PEF1: variants seen among roughly 807,000 people sequenced by gnomAD.
PEF1 encodes the protein penta-EF-hand domain containing 1.
Under a neutral mutation model 32.0 loss-of-function variants are expected in PEF1, and 17 were observed. The ratio of observed to expected loss-of-function variants is 0.53; its 90% CI spans 0.36 to 0.80. The LOEUF is 0.80. PEF1 is among the 30% of genes least tolerant of loss of function. The pLI, the probability that PEF1 is intolerant of heterozygous loss-of-function variation, is 0.00. For missense variants in PEF1, 362 were observed against 369.1 expected (o/e 0.98, Z 0.16); for synonymous variants, 130 against 139.8 (o/e 0.93, Z 0.50).
Position 31,635,441 on chromosome 1 carries a change from A to G in PEF1, c.106T>C (p.Tyr36His). The G allele has an allele frequency of 1.9e-6, 3 of 1,605,788 alleles. No homozygotes were observed. The highest frequency in any genetic ancestry group is 2.6e-6 in the Non-Finnish European group (3 of 1,175,106). Residue 36 changes from tyrosine to histidine, a missense_variant, in exon 2 of 5, where the codon TAT becomes CAT. Tyr to His is a moderately conservative substitution (Grantham distance 83). Transcript: ENST00000373703. ...YPGPPNSGGQ[Y>H]GSGLPPGGGY... The stretch of plus-strand genomic sequence containing the variant: ...CCACCAGGGGGTAGCCCACTACCAT[A>G]CTGCCCTCCACTATTGGGGGGTCCA...
intron 1 of PEF1, among the ~76,000 whole-genome samples, chr1:31,641,070 T>G (rs1305087617): frequency 6.6e-6 from 1 of 152,148 alleles, no homozygotes; most frequent in Non-Finnish European, 1.5e-5. Context: ...ATCCCCAGAC[T>G]TCAATTACCT....
chr1:31,633,174 A>C lies in PEF1; in HGVS notation c.466T>G (p.Cys156Gly). The change falls in exon 3 of 5, where the codon TGC becomes GGC. Residue 156 changes from cysteine to glycine, a missense_variant. Transcript: ENST00000373703. ...CNWSSFNDET[C>G]LMMINMFDKT... Reference sequence around the variant, plus strand: ...GGAGACTCACTTATCATCATGAGGCAGGTCTCATCATTGAATGAAGACCAA... The same window carrying C: ...GGAGACTCACTTATCATCATGAGGCCGGTCTCATCATTGAATGAAGACCAA... The C allele has an allele frequency of 6.2e-7, 1 of 1,613,844 alleles. No homozygotes were observed. Among genetic ancestry groups the C allele is most frequent in the South Asian group, 1.1e-5 (1 of 91,006 alleles).
chr1:31,633,402 C>G, intron 2 of PEF1, 88 bp from the exon 3 acceptor site: 1 of 1,362,260 alleles, frequency 7.3e-7, no homozygotes, highest in Non-Finnish European at 9.9e-7. Context: ...CTCCTACACA[C>G]GAAGCTTCAC....
At chr1:31,639,278 A>G (rs1051661898) in intron 1 of PEF1, among the ~76,000 whole-genome samples, 5 of 151,948 alleles carry the variant, frequency 3.3e-5, no homozygotes, top group African/African-American at 1.2e-4. Context: ...CCCTCTATAC[A>G]CTCGTTGACC....
rs765758652 is a variant in PEF1, at chr1:31,630,750, G to A, written c.718C>T (p.Leu240Phe). Residue 240 changes from leucine to phenylalanine, a missense_variant, in exon 5 of 5, where the codon CTT (leucine) becomes TTT (phenylalanine). Leu to Phe is a conservative substitution (Grantham distance 22). Transcript: ENST00000373703. ...CPRSANPAMQ[L>F]DRFIQVCTQL... ...GTGCACACCTGGATGAAGCGGTCAAGCTGCATGGCAGGATTGGCAGAGCGT... is the reference window on the plus strand; with the variant it reads ...GTGCACACCTGGATGAAGCGGTCAAACTGCATGGCAGGATTGGCAGAGCGT... 2.5e-6 allele frequency: 4 copies of A among 1,614,030 alleles called. No homozygotes were observed. In the South Asian group the frequency reaches 3.3e-5, roughly 13 times the overall value.
Position 31,635,405 on chromosome 1 carries a change from C to A in PEF1, c.142G>T (p.Gly48Cys), listed in dbSNP as rs1181970670. ...SGLPPGGGYG[G>C]PAPGGPYGPP... ...CCATAAGGCCCTCCAGGGGCAGGAC[C>A]CCCATAACCACCACCAGGGGGTAGC... Residue 48 changes from glycine to cysteine, a missense_variant, in exon 2 of 5, where the codon GGT becomes TGT. Transcript: ENST00000373703. The A allele has an allele frequency of 1.2e-6, 2 of 1,613,072 alleles. No individual in the cohort carries two copies. Among genetic ancestry groups the A allele is most frequent in the Admixed American group, 1.7e-5 (1 of 59,916 alleles).
At chr1:31,644,817 T>A (rs757254793) in intron 1 of PEF1, 24 bp downstream of exon 1, 1 of 1,613,720 alleles carries the variant, frequency 6.2e-7, no homozygotes. Flanking sequence ...GCTACCTGGA[T>A]TCGCGGGCCC....
intron 1 of PEF1, among the ~76,000 whole-genome samples, chr1:31,639,481 C>T (rs1223818624): frequency 6.6e-6 from 1 of 152,238 alleles, no homozygotes; most frequent in African/African-American, 2.4e-5. Context: ...CAAATGAACA[C>T]CACTCTAAAG....
At chr1:31,633,811 C>T (rs566237239) in intron 2 of PEF1, among the ~76,000 whole-genome samples, 153 of 152,158 alleles carry the variant, frequency 1.0e-3, no homozygotes, top group African/African-American at 3.4e-3. Flanking sequence ...GAAAATTAGC[C>T]GGGCATGGTG....
At position 31,636,124 on chromosome 1, in the gene PEF1, G is replaced by A. The variant is rs1398316269; in HGVS notation, c.25-602C>T. Among the ~76,000 whole-genome samples the A allele has an allele frequency of 2.6e-5, 4 of 152,098 alleles. No individual in the cohort carries two copies. The South Asian group carries it at 6.2e-4, about 24-fold the overall frequency. On this transcript the variant is annotated intron_variant, in intron 1 of 4. Coordinates refer to ENST00000373703, the MANE Select transcript of PEF1 (RefSeq NM_012392.4). ...GGAGACCCTATTCCTAAGGCAATAC[G>A]ATACAATGCTTTCAAAGGCCAGTTC... is the stretch of plus-strand genomic sequence containing the variant.
rs781284157 is a variant in PEF1 at position 31,630,675 on chromosome 1, G to A, written c.793C>T (p.Gln265Ter). ...TCGAAGCTGAGCCGAATGTTGCCTT[G>A]TACAGCTGTGTCCTTCTCCCGGAAG... ...EAFREKDTAVQGNIRLSFEDF... is the reference protein window; with the variant it reads ...EAFREKDTAV The change falls in exon 5 of 5, where the codon CAA becomes TAA. Residue 265 changes from glutamine (Q) to a stop codon, truncating the protein, a stop_gained. Coordinates refer to ENST00000373703, the MANE Select transcript of PEF1 (RefSeq NM_012392.4). LOFTEE classifies it high-confidence loss of function. The A allele has an allele frequency of 1.9e-6, 3 of 1,613,622 alleles. No individual in the cohort carries two copies. The highest frequency in any genetic ancestry group is 2.5e-6 in the Non-Finnish European group (3 of 1,180,056).
intron 1 of PEF1, among the ~76,000 whole-genome samples, chr1:31,639,266 G>C (rs902232333): frequency 1.3e-5 from 2 of 152,208 alleles, no homozygotes; most frequent in Non-Finnish European, 2.9e-5. Flanking sequence ...CAGAAAGGCA[G>C]GCCCTCTATA....
At chr1:31,632,383 G>T in intron 4 of PEF1, 112 bp downstream of exon 4, 3 of 1,538,762 alleles carry the variant, frequency 1.9e-6, no homozygotes, top group Non-Finnish European at 2.7e-6. Context: ...ACAGCATTTT[G>T]TAGTGCAGGT....
At chr1:31,635,799 G>A (rs1640239556) in intron 1 of PEF1, among the ~76,000 whole-genome samples, 1 of 152,156 alleles carries the variant, frequency 6.6e-6, no homozygotes. Context: ...ACAAGGGCTA[G>A]GATCCTGTCT....
At position 31,635,377 on chromosome 1, in the gene PEF1, G is replaced by A. The variant is rs1239645955; in HGVS notation, c.170C>T (p.Pro57Leu). Residue 57 changes from proline to leucine, a missense_variant, in exon 2 of 5, where the codon CCA becomes CTA. Transcript: ENST00000373703. ...TCCATAGGGCCCTCCACCAGCTGGT[G>A]GTCCATAAGGCCCTCCAGGGGCAGG... is the stretch of plus-strand genomic sequence containing the variant. ...GGPAPGGPYG[P>L]PAGGGPYGHP... 1.2e-6 allele frequency: 2 copies of A among 1,613,604 alleles called. No homozygotes were observed. Among genetic ancestry groups the A allele is most frequent in the South Asian group, 1.1e-5 (1 of 91,026 alleles).
chr1:31,640,167 G>C (rs1465486553), intron 1 of PEF1, among the ~76,000 whole-genome samples: 1 of 152,138 alleles, frequency 6.6e-6, no homozygotes, highest in Non-Finnish European at 1.5e-5. Flanking sequence ...CTGATGCCCT[G>C]GGGGGACTGG....
intron 1 of PEF1, among the ~76,000 whole-genome samples, chr1:31,641,859 C>A (rs1196027153): frequency 6.6e-6 from 1 of 152,194 alleles, no homozygotes; most frequent in Non-Finnish European, 1.5e-5. Context: ...CAACACCATA[C>A]CTAGCACTTT....
intron 4 of PEF1, among the ~76,000 whole-genome samples, chr1:31,631,378 C>T (rs1406702988): frequency 6.6e-6 from 1 of 152,168 alleles, no homozygotes; most frequent in East Asian, 1.9e-4. Flanking sequence ...CAGTGACTGG[C>T]ACAGAAAAAG....
At chr1:31,641,689 G>A (rs763828508) in intron 1 of PEF1, among the ~76,000 whole-genome samples, 1 of 152,148 alleles carries the variant, frequency 6.6e-6, no homozygotes, top group Non-Finnish European at 1.5e-5. Flanking sequence ...TTCAGTTGTT[G>A]GCTTAAATAT....
Sources: gnomAD v4.1 joint callset for allele counts (sites outside exome capture counted in the v4.1 genomes callset) on GRCh38, gnomAD v4.1.1 for gene constraint, MANE v1.5 for transcripts, NCBI Gene and HGNC (gene_info 2026-07-23, HGNC 2026-07-21) for gene names.